The following ADGRV1 variants were observed in gnomAD, a reference collection of about 807,000 sequenced individuals.
ADGRV1 encodes G-protein coupled receptor 98.
In ADGRV1, 359 loss-of-function variants were observed where a neutral mutation model predicts 596.2. The ratio of observed to expected loss-of-function variants is 0.60; its 90% CI spans 0.55 to 0.66. ADGRV1 has a LOEUF of 0.66. Ranked by LOEUF, ADGRV1 falls within the 30% of genes least tolerant of loss-of-function variation. The pLI, the probability that ADGRV1 is intolerant of heterozygous loss-of-function variation, is 0.00. For synonymous variants in ADGRV1, 2,681 were observed against 2,679.2 expected, an observed-to-expected ratio of 1.00 and a Z score of -0.02; for missense variants, 7,274 against 7,575.6, an observed-to-expected ratio of 0.96 and a Z score of 1.48.
At chr5:90,816,933 G>A (rs1437735744) in intron 75 of ADGRV1, among the ~76,000 whole-genome samples, 2 of 152,070 alleles carry the variant, frequency 1.3e-5, no homozygotes, top group Non-Finnish European at 2.9e-5. Flanking sequence ...ACCCAGTAAT[G>A]GGATGGCTGG....
At position 90,652,501 on chromosome 5, in the gene ADGRV1, C is replaced by T; in HGVS notation, c.3572C>T (p.Ala1191Val). The T allele has an allele frequency of 3.1e-6, 5 of 1,613,218 alleles. No individual in the cohort carries two copies. Among genetic ancestry groups the T allele is most frequent in the Non-Finnish European group, 2.5e-6 (3 of 1,179,432 alleles). Residue 1191 changes from alanine (A) to valine (V), a missense_variant, in exon 19 of 90, where the codon GCT becomes GTT. Physicochemically the swap from Ala to Val is moderately conservative, Grantham distance 64. Coordinates refer to ENST00000405460, the MANE Select transcript of ADGRV1 (RefSeq NM_032119.4). ...GEEAKPIILH[A>V]FPDKIPEFNE... ...GAAGCAAAACCAATCATTCTCCATG[C>T]TTTTCCAGATAAAATTCCTGAATTC...
At chr5:90,669,888 A>G (rs896441504) in intron 21 of ADGRV1, among the ~76,000 whole-genome samples, 1 of 152,370 alleles carries the variant, frequency 6.6e-6, no homozygotes, top group South Asian at 2.1e-4. Context: ...GAACAATTTC[A>G]TGATTTCAAA....
intron 84 of ADGRV1, among the ~76,000 whole-genome samples, chr5:90,970,608 C>A (rs1013348335): frequency 2.0e-5 from 3 of 150,044 alleles, no homozygotes; most frequent in African/African-American, 5.0e-5. Context: ...CTGGAGTGGA[C>A]CTCCAGCAAA....
rs12520043 is a variant in ADGRV1, at chr5:90,823,168, A to G, written c.16197-257A>G. ...TGTTTTTACATTCCTTATACAGAGT[A>G]TTAGGATACTTATTCATTGTTGAAT... On this transcript the variant is annotated intron_variant, in intron 75 of 89. Transcript: ENST00000405460. Among the ~76,000 whole-genome samples, 31,015 of 152,160 alleles carry G rather than the reference A, an allele frequency of 0.2. 4,286 individuals carry two copies. Among genetic ancestry groups the G allele is most frequent in the East Asian group, 0.47 (2,410 of 5,158 alleles).
At chr5:91,081,036 C>A (rs1009660143) in intron 86 of ADGRV1, among the ~76,000 whole-genome samples, 1 of 152,146 alleles carries the variant, frequency 6.6e-6, no homozygotes, top group Non-Finnish European at 1.5e-5. Flanking sequence ...GTGTCCTAAA[C>A]AACAGACATT....
At chr5:91,105,263 C>T (rs966058062) in intron 87 of ADGRV1, among the ~76,000 whole-genome samples, 8 of 152,146 alleles carry the variant, frequency 5.3e-5, no homozygotes, top group Non-Finnish European at 1.2e-4. Flanking sequence ...GTTGATTCCA[C>T]ATCTTGGCTA....
intron 83 of ADGRV1, among the ~76,000 whole-genome samples, chr5:90,890,350 T>C (rs543671831): frequency 2.6e-5 from 4 of 152,176 alleles, no homozygotes; most frequent in African/African-American, 9.6e-5. Flanking sequence ...CTCTGAATGG[T>C]TTCCACCCTT....
intron 57 of ADGRV1, 136 bp downstream of exon 57, chr5:90,757,297 T>A: frequency 1.6e-6 from 1 of 642,482 alleles, no homozygotes; most frequent in Non-Finnish European, 2.6e-6. Flanking sequence ...CAAACAAATA[T>A]TATTAATTGA....
rs766942517 is a variant in ADGRV1, at chr5:91,150,101, T to C, written c.18504T>C (p.Thr6168=). The change falls in exon 88 of 90, where the codon ACT becomes ACC. Residue 6168 remains threonine, a synonymous_variant. Transcript: ENST00000405460. ...GTTGCCCTATGAAGGCCAGTTACACTGTGGAAATGAATGGGCATCCTGGAC... is the reference window on the plus strand; with the variant it reads ...GTTGCCCTATGAAGGCCAGTTACACCGTGGAAATGAATGGGCATCCTGGAC... ...QMCCPMKASY[T]VEMNGHPGPS... is the part of the protein sequence containing the mutation. 1.3e-5 allele frequency: 20 copies of C among 1,572,458 alleles called. No individual in the cohort carries two copies. The highest frequency in any genetic ancestry group is 1.5e-5 in the Non-Finnish European group (17 of 1,158,684).
rs753025213 is a variant in ADGRV1 at position 90,690,903 on chromosome 5, G to T, written c.6813G>T (p.Gln2271His). 1.2e-6 allele frequency: 2 copies of T among 1,613,764 alleles called. No individual in the cohort carries two copies. Among genetic ancestry groups the T allele is most frequent in the Admixed American group, 3.3e-5 (2 of 59,972 alleles). Residue 2271 changes from glutamine to histidine, a missense_variant, in exon 31 of 90, where the codon CAG becomes CAT. This residue lies in a region of ADGRV1 where 3,643 missense variants were observed against 3,809.2 expected (regional missense o/e 0.96). Transcript: ENST00000405460. ...GGACACTCGGCAATGTTACTGTTCA[G>T]TGGGTTGCCACCATTAATGGACAGC... The part of the protein sequence containing the change: ...NSGTLGNVTV[Q>H]WVATINGQLA...
At position 90,643,936 on chromosome 5, in the gene ADGRV1, G is replaced by T. The variant is rs1270561056; in HGVS notation, c.2687G>T (p.Gly896Val). Residue 896 changes from glycine to valine, a missense_variant, in exon 14 of 90, where the codon GGT becomes GTT. Physicochemically the swap from Gly to Val is moderately radical, Grantham distance 109. Transcript: ENST00000405460. ...PHGIIEFVSD[G>V]LIVMINESKG... ...GGCATTATAGAATTTGTTTCTGATG[G>T]TCTAATTGTGATGATAAATGAAAGC... 3.7e-6 allele frequency: 6 copies of T among 1,611,908 alleles called. No homozygotes were observed. Among genetic ancestry groups the T allele is most frequent in the Non-Finnish European group, 5.1e-6 (6 of 1,178,596 alleles).
chr5:90,916,462 C>T (rs1303531996), intron 83 of ADGRV1, among the ~76,000 whole-genome samples: 3 of 151,994 alleles, frequency 2.0e-5, no homozygotes, highest in Non-Finnish European at 4.4e-5. Context: ...GAGGCCCAGG[C>T]ATTGAATTTT....
intron 85 of ADGRV1, among the ~76,000 whole-genome samples, chr5:90,994,072 T>G (rs958907951): frequency 6.6e-6 from 1 of 151,912 alleles, no homozygotes; most frequent in Non-Finnish European, 1.5e-5. Flanking sequence ...TTTTTTTTTT[T>G]TGGAGACAGA....
chr5:90,957,070 A>C (rs1211512898), intron 83 of ADGRV1, among the ~76,000 whole-genome samples: 2 of 152,166 alleles, frequency 1.3e-5, no homozygotes, highest in Non-Finnish European at 2.9e-5. Flanking sequence ...GATACAGAAA[A>C]TGCAGGAAAC....
intron 84 of ADGRV1, among the ~76,000 whole-genome samples, chr5:90,973,957 T>G (rs1779308737): frequency 6.6e-6 from 1 of 152,176 alleles, no homozygotes; most frequent in African/African-American, 2.4e-5. Flanking sequence ...AAAACTGCAT[T>G]GTCTCAGCCC....
At chr5:90,812,567 A>G (rs1432106527) in intron 74 of ADGRV1, among the ~76,000 whole-genome samples, 1 of 152,218 alleles carries the variant, frequency 6.6e-6, no homozygotes, top group Non-Finnish European at 1.5e-5. Flanking sequence ...ATAGACCTCA[A>G]AACATATTTT....
rs569783013 is a variant in ADGRV1 at position 90,930,129 on chromosome 5, TA to T, written c.17857-35278del. ...TATGATTTGTCTAGCAAATCTTTGG[TA>T]AAAAAAATACATTTCTTAACAGTAC... On this transcript the variant is annotated intron_variant, in intron 83 of 89. Coordinates refer to ENST00000405460, the MANE Select transcript of ADGRV1 (RefSeq NM_032119.4). Among the ~76,000 whole-genome samples, 518 of 152,100 alleles carry T rather than the reference TA, an allele frequency of 3.4e-3. 1 individual carries two copies. The highest frequency in any genetic ancestry group is 0.012 in the African/African-American group (483 of 41,512).
intron 82 of ADGRV1, among the ~76,000 whole-genome samples, chr5:90,857,847 C>A (rs1368811588): frequency 6.6e-6 from 1 of 152,128 alleles, no homozygotes; most frequent in Non-Finnish European, 1.5e-5. Context: ...TAGGTCAAGA[C>A]ACATTGAATA....
At chr5:90,965,355 T>C (rs1338552831) in intron 83 of ADGRV1, 60 bp from the exon 84 acceptor site, 2 of 1,078,886 alleles carry the variant, frequency 1.9e-6, no homozygotes, top group Non-Finnish European at 2.9e-6. Flanking sequence ...CAGTTTACTT[T>C]CTTAATATTC....
Sources: allele counts gnomAD v4.1 joint callset (sites outside exome capture counted in the v4.1 genomes callset), GRCh38; gene constraint gnomAD v4.1.1; regional missense constraint gnomAD v4.1.1; transcripts MANE v1.5; gene names NCBI Gene and HGNC (gene_info 2026-07-23, HGNC 2026-07-21).